The following LAMA1 variants were observed in gnomAD, a reference collection of about 807,000 sequenced individuals.
LAMA1 encodes the protein laminin subunit alpha-1.
A neutral mutation model predicts 348.7 loss-of-function variants in LAMA1; 219 were observed. The ratio of observed to expected loss-of-function variants is 0.63; its 90% CI spans 0.56 to 0.70. LAMA1 has a LOEUF of 0.70. Among genes scored for constraint, LAMA1 ranks in the 30% least tolerant of loss-of-function variants. The pLI is 0.00. For synonymous variants in LAMA1, 1,487 were observed against 1,491.0 expected, an observed-to-expected ratio of 1.00 and a Z score of 0.06; for missense variants, 3,744 against 3,888.0, an observed-to-expected ratio of 0.96 and a Z score of 0.99.
chr18:7,094,263 A>G (rs1281992511), intron 1 of LAMA1, among the ~76,000 whole-genome samples: 1 of 151,778 alleles, frequency 6.6e-6, no homozygotes, highest in African/African-American at 2.4e-5. Flanking sequence ...TCTCTATTAA[A>G]AATACAAAAA....
rs2057800038 is a variant in LAMA1 at position 6,999,914 on chromosome 18, T to G, written c.4466A>C (p.Glu1489Ala). 6.2e-7 allele frequency: 1 copy of G among 1,613,762 alleles called. No individual in the cohort carries two copies. The highest frequency in any genetic ancestry group is 8.5e-7 in the Non-Finnish European group (1 of 1,179,760). Residue 1489 changes from glutamate to alanine, a missense_variant, in exon 31 of 63, where the codon GAA becomes GCA. This residue lies in a region of LAMA1 where 1,983 missense variants were observed against 1,934.3 expected (regional missense o/e 1.03). Transcript: ENST00000389658. ...ACATGACAATCCACCCATGTACCTT[T>G]CACAGTGTTTTCCTTCATAGCCCAG... is the stretch of plus-strand genomic sequence containing the variant. ...CLLGYEGKHC[E>A]RCSSSYYGNP...
chr18:7,045,745 G>C (rs558996043), intron 6 of LAMA1, among the ~76,000 whole-genome samples: 1 of 152,058 alleles, frequency 6.6e-6, no homozygotes, highest in South Asian at 2.1e-4. Context: ...TTTCAGCAAA[G>C]ATGGGGTTTT....
At chr18:7,090,543 T>C (rs1195820738) in intron 1 of LAMA1, among the ~76,000 whole-genome samples, 1 of 152,152 alleles carries the variant, frequency 6.6e-6, no homozygotes, top group Admixed American at 6.5e-5. Flanking sequence ...TAATCATTGA[T>C]GGCTGTTAGT....
chr18:7,079,944 G>A (rs2058185979), intron 3 of LAMA1, 31 bp downstream of exon 3: 1 of 1,476,576 alleles, frequency 6.8e-7, no homozygotes, highest in Non-Finnish European at 9.5e-7. Context: ...GCAGCCTGTA[G>A]ACACTCTTCA....
intron 1 of LAMA1, among the ~76,000 whole-genome samples, chr18:7,109,540 G>T (rs1004763319): frequency 1.3e-5 from 2 of 152,176 alleles, no homozygotes; most frequent in Non-Finnish European, 2.9e-5. Flanking sequence ...CTGTCCTGGG[G>T]TTGGTATATT....
rs569791244 is a variant in LAMA1 at position 7,098,039 on chromosome 18, C to T, written c.62-17582G>A. ...CACGCCTGACTGGTTTTGGTGGAGA[C>T]GGGGTTTCGCTGTGTTGGCCAGGCC... is the stretch of plus-strand genomic sequence containing the variant. On this transcript the variant is annotated intron_variant, in intron 1 of 62. Transcript: ENST00000389658. 3.7e-3 allele frequency among the ~76,000 whole-genome samples: 559 copies of T among 150,592 alleles called. 10 individuals are homozygous for T. The highest frequency in any genetic ancestry group is 6.0e-3 in the East Asian group (30 of 5,032).
Position 7,073,626 on chromosome 18 carries a change from A to G in LAMA1, c.345+6349T>C, listed in dbSNP as rs115519684. ...AAGGCTAAGATTCTACTGTATGCAC[A>G]TACCATGTTTTGACTATCCATTCAC... On this transcript the variant is annotated intron_variant, in intron 3 of 62. Coordinates refer to ENST00000389658, the MANE Select transcript of LAMA1 (RefSeq NM_005559.4). Among the ~76,000 whole-genome samples the G allele has an allele frequency of 7.2e-3, 1,094 of 152,328 alleles. 14 individuals carry two copies. Among genetic ancestry groups the G allele is most frequent in the African/African-American group, 0.025 (1,055 of 41,574 alleles).
chr18:7,017,249 A>G (rs1341628943), intron 20 of LAMA1, 29 bp downstream of exon 20: 1 of 1,547,662 alleles, frequency 6.5e-7, no homozygotes, highest in South Asian at 1.1e-5. Context: ...TACCAAGGCT[A>G]AGGTGTCAAT....
Position 6,958,640 on chromosome 18 carries a change from C to T in LAMA1, c.7801G>A (p.Glu2601Lys), listed in dbSNP as rs908817930. 5.0e-6 allele frequency: 8 copies of T among 1,614,060 alleles called. No individual in the cohort carries two copies. Among genetic ancestry groups the T allele is most frequent in the Non-Finnish European group, 6.8e-6 (8 of 1,179,930 alleles). ...NRRIITVQLD[E>K]NNPVEMKLGT... is the part of the protein sequence containing the mutation. ...AACTTCATTTCCACAGGATTGTTCT[C>T]ATCCAATTGGACAGTGATAATTCTA... The change falls in exon 55 of 63, where the codon GAG (glutamate) becomes AAG (lysine). Residue 2601 changes from glutamate (E) to lysine (K), a missense_variant. Physicochemically the swap from Glu to Lys is moderately conservative, Grantham distance 56. Around this residue, in one of 3 missense-constraint regions of LAMA1, gnomAD observed 1,983 missense variants for 1,934.3 expected, o/e 1.03. Transcript: ENST00000389658.
chr18:7,023,466 CAG>C (rs2057927765), intron 18 of LAMA1, 91 bp from the exon 19 acceptor site: 1 of 1,012,794 alleles, frequency 9.9e-7, no homozygotes, highest in Admixed American at 1.8e-5. Flanking sequence ...GCTAATAAAT[CAG>C]ACGGACTCTG....
chr18:6,953,342 G>C (rs2057558798), intron 57 of LAMA1, among the ~76,000 whole-genome samples: 1 of 152,278 alleles, frequency 6.6e-6, no homozygotes, highest in Admixed American at 6.5e-5. Flanking sequence ...TGCCCTCGAG[G>C]CACAAGAGGA....
chr18:6,948,402 C>G lies in LAMA1; in HGVS notation c.8710+1G>C. ...CCTTCGAGAGTGTTGCTAACACATACCAAGAGCTGCATATCCGCTTCCGTC... is the reference window on the plus strand; with the variant it reads ...CCTTCGAGAGTGTTGCTAACACATAGCAAGAGCTGCATATCCGCTTCCGTC... On this transcript the variant is annotated splice_donor_variant, in intron 60 of 62. Coordinates refer to ENST00000389658, the MANE Select transcript of LAMA1 (RefSeq NM_005559.4). LOFTEE classifies it high-confidence loss of function. 1.2e-6 allele frequency: 2 copies of G among 1,614,174 alleles called. No homozygotes were observed. The highest frequency in any genetic ancestry group is 1.1e-5 in the South Asian group (1 of 91,084).
At chr18:7,010,688 G>A (rs554290382) in intron 25 of LAMA1, among the ~76,000 whole-genome samples, 1 of 152,192 alleles carries the variant, frequency 6.6e-6, no homozygotes, top group South Asian at 2.1e-4. Flanking sequence ...CTATCTCCAG[G>A]AGCACTGGGT....
intron 3 of LAMA1, among the ~76,000 whole-genome samples, chr18:7,051,457 A>G (rs1278905808): frequency 6.6e-6 from 1 of 152,226 alleles, no homozygotes; most frequent in Admixed American, 6.5e-5. Context: ...TTGGAGTATA[A>G]CTGCTCATAC....
chr18:7,050,617 G>T, intron 4 of LAMA1, 77 bp downstream of exon 4: 1 of 1,600,020 alleles, frequency 6.2e-7, no homozygotes, highest in Non-Finnish European at 8.5e-7. Context: ...TTTGTATTGA[G>T]AGAGATCAAT....
In LAMA1 at chr18:6,959,480, C is replaced by T. The variant is rs367598361; in HGVS notation, c.7639G>A (p.Val2547Ile). The T allele has an allele frequency of 4.7e-5, 76 of 1,613,970 alleles. No individual in the cohort carries two copies. Among genetic ancestry groups the T allele is most frequent in the Admixed American group, 1.0e-4 (6 of 59,994 alleles). The change falls in exon 54 of 63, where the codon GTC (valine) becomes ATC (isoleucine). Residue 2547 changes from valine (V) to isoleucine (I), a missense_variant. By Grantham distance (29) the Val-to-Ile change is conservative. Transcript: ENST00000389658. Reference protein sequence around the residue: ...REEAHVPFFSVMLIGGNIEVH... With the variant: ...REEAHVPFFSIMLIGGNIEVH... ...TCAATGTTGCCTCCGATCAGCATGA[C>T]GGAAAAGAAGGGCTGGGGAGGTTGC...
intron 36 of LAMA1, among the ~76,000 whole-genome samples, chr18:6,988,525 C>T (rs550795967): frequency 4.6e-5 from 7 of 152,300 alleles, no homozygotes; most frequent in African/African-American, 1.4e-4. Context: ...TTTGGTCGGG[C>T]GCAGTGGCTC....
rs1568010595 is a variant in LAMA1, at chr18:6,966,191, A to G, written c.7006T>C (p.Phe2336Leu). Residue 2336 changes from phenylalanine to leucine, a missense_variant, in exon 49 of 63, where the codon TTT becomes CTT. This residue lies in a region of LAMA1 where 1,983 missense variants were observed against 1,934.3 expected (regional missense o/e 1.03). Transcript: ENST00000389658. ...VTQIIMLFNTFSPNGLLLYLG... is the reference protein window; with the variant it reads ...VTQIIMLFNTLSPNGLLLYLG... ...TAGAGAAGAAGTCCATTAGGTGAAA[A>G]GGTATTAAAAAGCATGATTATCTGG... 1.2e-6 allele frequency: 2 copies of G among 1,614,022 alleles called. No homozygotes were observed. The highest frequency in any genetic ancestry group is 4.5e-5 in the East Asian group (2 of 44,892).
intron 33 of LAMA1, among the ~76,000 whole-genome samples, chr18:6,996,056 T>G (rs1373713650): frequency 6.6e-6 from 1 of 152,172 alleles, no homozygotes; most frequent in Non-Finnish European, 1.5e-5. Flanking sequence ...ATAAAATAGT[T>G]ATATCCCTGG....
Sources: gnomAD v4.1 joint callset for allele counts (sites outside exome capture counted in the v4.1 genomes callset) on GRCh38, gnomAD v4.1.1 for gene constraint, gnomAD v4.1.1 regional missense constraint, MANE v1.5 for transcripts, NCBI Gene and HGNC (gene_info 2026-07-23, HGNC 2026-07-21) for gene names.